SLTM: variants seen among roughly 807,000 people sequenced by gnomAD.
SLTM encodes the protein SAFB like transcription modulator, also known as SAFB-like transcription modulator.
Under a neutral mutation model 134.6 loss-of-function variants are expected in SLTM, and 43 were observed. The observed-to-expected ratio is 0.32, with a 90% confidence interval of 0.25 to 0.41. SLTM has a LOEUF of 0.41. Ranked by LOEUF, SLTM falls within the 10% of genes least tolerant of loss-of-function variation. SLTM has a pLI of 1.00. For missense variants in SLTM, 1,055 were observed against 1,288.8 expected, an observed-to-expected ratio of 0.82 and a Z score of 2.78; for synonymous variants, 424 against 432.3, an observed-to-expected ratio of 0.98 and a Z score of 0.24.
At chr15:58,889,930 G>A in intron 15 of SLTM, 1 of 351,964 alleles carries the variant, frequency 2.8e-6, no homozygotes, top group Non-Finnish European at 5.2e-6. Flanking sequence ...TTCCAGCCTT[G>A]GGAAATCATT....
chr15:58,919,268 A>T (rs1327802959), intron 2 of SLTM, among the ~76,000 whole-genome samples: 10 of 152,166 alleles, frequency 6.6e-5, no homozygotes, highest in South Asian at 6.2e-4. Context: ...AACCTTAAAG[A>T]GGCTACTTTT....
rs977515231 is a variant in SLTM at position 58,879,741 on chromosome 15, C to T, written c.*258G>A. ...TATATTCACACAGCGTTAAACAAAA[C>T]GACTTCAATTCCATCTTTTCAAATG... is the stretch of plus-strand genomic sequence containing the variant. On this transcript the variant is annotated 3_prime_UTR_variant, in exon 21 of 21. Coordinates refer to ENST00000380516, the MANE Select transcript of SLTM (RefSeq NM_024755.4). 5.8e-5 allele frequency: 20 copies of T among 346,786 alleles called. No individual in the cohort carries two copies. Among genetic ancestry groups the T allele is most frequent in the Non-Finnish European group, 9.4e-5 (18 of 191,194 alleles). 21.5% of individuals were successfully genotyped at this position (346,786 alleles called of 1,614,324 possible). A position where few individuals can be genotyped will look rare whatever the true frequency, so the allele number is the denominator to read the frequency against.
intron 2 of SLTM, among the ~76,000 whole-genome samples, chr15:58,924,234 T>C (rs1347061630): frequency 2.0e-5 from 3 of 152,200 alleles, no homozygotes; most frequent in African/African-American, 7.2e-5. Flanking sequence ...TAAACTATCA[T>C]AGTAGTAACA....
Position 58,894,201 on chromosome 15 carries a change from G to T in SLTM, c.1378-8C>A. On this transcript the variant is annotated splice_polypyrimidine_tract_variant and splice_region_variant and intron_variant, in intron 10 of 20. Coordinates refer to ENST00000380516, the MANE Select transcript of SLTM (RefSeq NM_024755.4). ...AGAGGGATCACCTTTTACCTGAAAG[G>T]TTCGAACCAGAAAAACAATTTGTAC... 2 of 1,584,860 alleles carry T rather than the reference G, an allele frequency of 1.3e-6. No homozygotes were observed. Among genetic ancestry groups the T allele is most frequent in the Non-Finnish European group, 1.7e-6 (2 of 1,160,174 alleles).
At chr15:58,893,136 T>TA in intron 13 of SLTM, 76 bp from the exon 14 acceptor site, 1 of 1,455,222 alleles carries the variant, frequency 6.9e-7, no homozygotes, top group Admixed American at 2.5e-5. Context: ...GTAGGTCATT[T>TA]AAAAAGTTCA....
chr15:58,916,274 A>C (rs1210418539), intron 3 of SLTM, among the ~76,000 whole-genome samples: 1 of 151,850 alleles, frequency 6.6e-6, no homozygotes, highest in East Asian at 1.9e-4. Flanking sequence ...CCCGAGTTCA[A>C]GCGATTCTCC....
Position 58,905,204 on chromosome 15 carries a change from A to T in SLTM, c.562-3917T>A, listed in dbSNP as rs1025413660. Among the ~76,000 whole-genome samples the T allele has an allele frequency of 1.1e-4, 16 of 152,338 alleles. No individual in the cohort carries two copies. In the East Asian group the frequency reaches 2.9e-3, roughly 28 times the overall value. ...ATTACTTTTAAGCATTATGTGTCCAATTTGCAATATTTGGAAAGGAAAGAA... is the reference window on the plus strand; with the variant it reads ...ATTACTTTTAAGCATTATGTGTCCATTTTGCAATATTTGGAAAGGAAAGAA... On this transcript the variant is annotated intron_variant, in intron 5 of 20. Transcript: ENST00000380516.
At chr15:58,897,316 C>G (rs2035165183) in intron 8 of SLTM, 83 bp from the exon 9 acceptor site, 4 of 774,734 alleles carry the variant, frequency 5.2e-6, no homozygotes, top group Non-Finnish European at 8.7e-6. Context: ...TCTTTCAAAA[C>G]TATAATTTTG....
Position 58,899,691 on chromosome 15 carries a change from G to A in SLTM, c.836C>T (p.Pro279Leu), listed in dbSNP as rs1475936914. ...TGCAATGGCGTCCTGCCCATCTTTT[G>A]GCTTACTTGCTTCAGAATCTGTAAT... Reference protein sequence around the residue: ...VKITDSEASKPKDGQDAIAQS... With the variant: ...VKITDSEASKLKDGQDAIAQS... The change falls in exon 7 of 21, where the codon CCA (proline) becomes CTA (leucine). Residue 279 changes from proline (P) to leucine (L), a missense_variant. This residue lies in a region of SLTM where 776 missense variants were observed against 962.2 expected (regional missense o/e 0.81). Coordinates refer to ENST00000380516, the MANE Select transcript of SLTM (RefSeq NM_024755.4). This position sits in a 1 kb window ranked among gnomAD's most constrained non-coding sequence, Gnocchi z 5.0. The A allele has an allele frequency of 6.2e-7, 1 of 1,614,014 alleles. No homozygotes were observed. Among genetic ancestry groups the A allele is most frequent in the Non-Finnish European group, 8.5e-7 (1 of 1,179,966 alleles).
rs1273358633 is a variant in SLTM at position 58,899,529 on chromosome 15, T to C, written c.998A>G (p.Lys333Arg). 1 of 1,614,162 alleles carries C rather than the reference T, an allele frequency of 6.2e-7. No individual in the cohort carries two copies. The highest frequency in any genetic ancestry group is 1.1e-5 in the South Asian group (1 of 91,086). The part of the protein sequence containing the change: ...ESSKKAESGD[K>R]EKDTLKKGPS... The stretch of plus-strand genomic sequence containing the variant: ...CCCTTTCTTCAAAGTATCCTTTTCT[T>C]TGTCTCCAGATTCTGCTTTCTTAGA... The change falls in exon 7 of 21, where the codon AAA becomes AGA. Residue 333 changes from lysine (K) to arginine (R), a missense_variant. Physicochemically the swap from Lys to Arg is conservative, Grantham distance 26. Transcript: ENST00000380516. This position sits in a 1 kb window ranked among gnomAD's most constrained non-coding sequence, Gnocchi z 5.0.
intron 5 of SLTM, 48 bp downstream of exon 5, chr15:58,912,515 G>T: frequency 6.8e-7 from 1 of 1,473,462 alleles, no homozygotes; most frequent in Non-Finnish European, 9.5e-7. Flanking sequence ...CCTTTTCCAA[G>T]CCCGTCCACC....
At position 58,882,557 on chromosome 15, in the gene SLTM, C is replaced by A. The variant is rs532170962; in HGVS notation, c.2996+1069G>T. The stretch of plus-strand genomic sequence containing the variant: ...GACCGTGTGAAACAGTGTTTAACCA[C>A]CAAGGAGTCTGACAACCATGAAAAT... On this transcript the variant is annotated intron_variant, in intron 20 of 20. Transcript: ENST00000380516. 4.6e-5 allele frequency among the ~76,000 whole-genome samples: 7 copies of A among 152,258 alleles called. No individual in the cohort carries two copies. The South Asian group carries it at 1.0e-3, about 23-fold the overall frequency.
rs763534264 is a variant in SLTM at position 58,933,353 on chromosome 15, C to A, written c.162+51G>T. The stretch of plus-strand genomic sequence containing the variant: ...CTGCGGCGGAAGCGGGGCGCCGAGG[C>A]GCGGCCTAAGTTCCCCTTCCCGGTC... On this transcript the variant is annotated intron_variant, in intron 1 of 20. Transcript: ENST00000380516. 3 of 1,515,012 alleles carry A rather than the reference C, an allele frequency of 2.0e-6. No homozygotes were observed. The Admixed American group carries it at 6.2e-5, about 31-fold the overall frequency. 93.8% of individuals were successfully genotyped at this position (1,515,012 alleles called of 1,614,324 possible).
At chr15:58,917,796 C>A (rs1184244180) in intron 2 of SLTM, among the ~76,000 whole-genome samples, 1 of 152,026 alleles carries the variant, frequency 6.6e-6, no homozygotes, top group Non-Finnish European at 1.5e-5. Flanking sequence ...GTCGCCCAGG[C>A]TGGAATGCAG....
rs753851733 is a variant in SLTM at position 58,886,949 on chromosome 15, C to T, written c.2835+26G>A. On this transcript the variant is annotated intron_variant, in intron 19 of 20. Coordinates refer to ENST00000380516, the MANE Select transcript of SLTM (RefSeq NM_024755.4). The stretch of plus-strand genomic sequence containing the variant: ...TCCTCTAAATGTATGTGTGCAGGCT[C>T]GCGGCAAGCCTCCCGCAGCACTTAC... The T allele has an allele frequency of 2.0e-5, 33 of 1,611,420 alleles. No individual in the cohort carries two copies. In the Middle Eastern group the frequency reaches 6.7e-4, roughly 33 times the overall value.
intron 9 of SLTM, among the ~76,000 whole-genome samples, chr15:58,895,130 A>C (rs1340475151): frequency 2.6e-5 from 4 of 152,246 alleles, no homozygotes; most frequent in Non-Finnish European, 5.9e-5. Flanking sequence ...ATATGTAGCC[A>C]AAACACAATC....
rs768499349 is a variant in SLTM at position 58,913,491 on chromosome 15, C to A, written c.513+8G>T. On this transcript the variant is annotated splice_region_variant and intron_variant, in intron 4 of 20. Coordinates refer to ENST00000380516, the MANE Select transcript of SLTM (RefSeq NM_024755.4). The stretch of plus-strand genomic sequence containing the variant: ...TGTGTCATGTTTTAAAAAAAACTGG[C>A]TAAAGACCTGACTTTCGATGTCCTC... 4 of 1,597,284 alleles carry A rather than the reference C, an allele frequency of 2.5e-6. No individual in the cohort carries two copies. Among genetic ancestry groups the A allele is most frequent in the Admixed American group, 3.4e-5 (2 of 58,816 alleles).
chr15:58,893,642 T>C (rs930542739), intron 12 of SLTM, among the ~76,000 whole-genome samples, 179 bp downstream of exon 12: 3 of 152,166 alleles, frequency 2.0e-5, no homozygotes, highest in Non-Finnish European at 2.9e-5. Flanking sequence ...GAAGAATACA[T>C]TTGTTTGTTT....
In SLTM at chr15:58,886,993, G is replaced by A. The variant is rs1359059768; in HGVS notation, c.2817C>T (p.Asp939=). Reference sequence around the variant, plus strand: ...CACTTACCTGTGATCCACCTCCTCGGTCTGTGATGACTCCTCTGTCTCCCT... The same window carrying A: ...CACTTACCTGTGATCCACCTCCTCGATCTGTGATGACTCCTCTGTCTCCCT... ...SREGDRGVIT[D]RGGGSQHYPE... The change falls in exon 19 of 21, where the codon GAC becomes GAT. Residue 939 remains aspartate, a synonymous_variant. Transcript: ENST00000380516. 6.2e-7 allele frequency: 1 copy of A among 1,612,432 alleles called. No homozygotes were observed. Among genetic ancestry groups the A allele is most frequent in the Admixed American group, 1.7e-5 (1 of 59,980 alleles).
Sources: allele counts gnomAD v4.1 joint callset (sites outside exome capture counted in the v4.1 genomes callset), GRCh38; gene constraint gnomAD v4.1.1; regional missense constraint gnomAD v4.1.1; non-coding constraint Gnocchi (gnomAD v3.1); transcripts MANE v1.5; gene names NCBI Gene and HGNC (gene_info 2026-07-23, HGNC 2026-07-21).